PAQR3: variants seen among roughly 807,000 people sequenced by gnomAD.
The protein encoded by PAQR3 is progestin and adipoQ receptor family member 3.
PAQR3 carries 39 observed loss-of-function variants against 41.7 expected under a neutral mutation model. The observed-to-expected ratio is 0.93, with a 90% confidence interval of 0.72 to 1.22. PAQR3 has a LOEUF of 1.22. Among genes scored for constraint, PAQR3 ranks in the 50% most tolerant of loss-of-function variants. The pLI, the probability that PAQR3 is intolerant of heterozygous loss-of-function variation, is 0.00. For missense variants in PAQR3, 366 were observed against 385.6 expected, an observed-to-expected ratio of 0.95 and a Z score of 0.42; for synonymous variants, 140 against 140.6, an observed-to-expected ratio of 1.00 and a Z score of 0.03.
In PAQR3 at chr4:78,914,853, G is replaced by A. The variant is rs574209566; in HGVS notation, c.*5686C>T. ...ACTAAGAGAAGTAAATTATTATGAA[G>A]CTAGCAAAAATCTTGAGGCCAAAGT... is the stretch of plus-strand genomic sequence containing the variant. On this transcript the variant is annotated 3_prime_UTR_variant, in exon 6 of 6. Coordinates refer to ENST00000512733, the MANE Select transcript of PAQR3 (RefSeq NM_001040202.2). 6.6e-6 allele frequency: 1 copy of A among 151,706 alleles called. No individual in the cohort carries two copies. Among genetic ancestry groups the A allele is most frequent in the East Asian group, 1.9e-4 (1 of 5,174 alleles). 9.4% of individuals were successfully genotyped at this position (151,706 alleles called of 1,614,324 possible). A position where few individuals can be genotyped will look rare whatever the true frequency, so the allele number is the denominator to read the frequency against.
chr4:78,905,380 C>T (rs1734234297), intron 11 of PAQR3, among the ~76,000 whole-genome samples: 1 of 151,672 alleles, frequency 6.6e-6, no homozygotes, highest in African/African-American at 2.4e-5. Context: ...TATCATTCTA[C>T]CATATTTAGT....
At chr4:78,922,289 A>T in intron 5 of PAQR3, 1 of 1,266,514 alleles carries the variant, frequency 7.9e-7, no homozygotes, top group Admixed American at 2.5e-5. Context: ...AGTGGTGAAA[A>T]ACCAAGTACA....
chr4:78,898,145 C>T (rs1277118525), intron 11 of PAQR3, among the ~76,000 whole-genome samples: 1 of 152,158 alleles, frequency 6.6e-6, no homozygotes, highest in Non-Finnish European at 1.5e-5. Flanking sequence ...TCAGTATGTT[C>T]AGAGAATTGC....
rs1220574898 is a variant in PAQR3 at position 78,919,387 on chromosome 4, T to C, written c.*1152A>G. Reference sequence around the variant, plus strand: ...AGACCAAAGAATAAGAGGGCTACAATGTATGATAGGGCAGTGAGTTCTATT... The same window carrying C: ...AGACCAAAGAATAAGAGGGCTACAACGTATGATAGGGCAGTGAGTTCTATT... On this transcript the variant is annotated 3_prime_UTR_variant, in exon 6 of 6. Coordinates refer to ENST00000512733, the MANE Select transcript of PAQR3 (RefSeq NM_001040202.2). 3.0e-6 allele frequency: 3 copies of C among 984,376 alleles called. No individual in the cohort carries two copies. Among genetic ancestry groups the C allele is most frequent in the African/African-American group, 3.5e-5 (2 of 57,184 alleles). 61.0% of individuals were successfully genotyped at this position (984,376 alleles called of 1,614,324 possible). A position where few individuals can be genotyped will look rare whatever the true frequency, so the allele number is the denominator to read the frequency against.
Position 78,902,782 on chromosome 4 carries a change from G to A in PAQR3, c.*836+3326C>T, listed in dbSNP as rs189725342. ...GAGGGAAACCTGATTCTAGAAGAGC[G>A]GTAATATGCATAGTATGATGCAAAC... On this transcript the variant is annotated intron_variant and NMD_transcript_variant, in intron 11 of 12. Transcript: ENST00000342820. 2.7e-3 allele frequency among the ~76,000 whole-genome samples: 418 copies of A among 152,056 alleles called. 1 individual carries two copies. Among genetic ancestry groups the A allele is most frequent in the Non-Finnish European group, 4.4e-3 (301 of 67,958 alleles).
intron 11 of PAQR3, among the ~76,000 whole-genome samples, chr4:78,889,700 C>G (rs1733324810): frequency 6.6e-6 from 1 of 152,122 alleles, no homozygotes; most frequent in Non-Finnish European, 1.5e-5. Context: ...ATTTCTAGGA[C>G]TAGGACCCAA....
At chr4:78,893,702 A>G (rs1733558273) in intron 11 of PAQR3, among the ~76,000 whole-genome samples, 1 of 152,154 alleles carries the variant, frequency 6.6e-6, no homozygotes, top group Admixed American at 6.5e-5. Flanking sequence ...AGCTGGGACT[A>G]TAGGCATGCA....
Position 78,935,206 on chromosome 4 carries a change from AT to A in PAQR3, c.262del (p.Ile88TyrfsTer4), listed in dbSNP as rs747093104. The A allele has an allele frequency of 6.2e-7, 1 of 1,613,828 alleles. No individual in the cohort carries two copies. On this transcript the variant is annotated frameshift_variant, in exon 2 of 6. Coordinates refer to ENST00000512733, the MANE Select transcript of PAQR3 (RefSeq NM_001040202.2). LOFTEE classifies it high-confidence loss of function. Reference protein sequence around the residue: ...LGFFLFFTLGIYDMTSVLPSA... With the variant: ...LGFFLFFTLGXYDMTSVLPSA... ...AGGTAACACAGATGTCATGTCATAT[AT>A]TCCCAGGGTGAAGAAGAGAAAGAAA...
At position 78,935,047 on chromosome 4, in the gene PAQR3, G is replaced by C. The variant is rs937498569; in HGVS notation, c.348+74C>G. On this transcript the variant is annotated intron_variant, in intron 2 of 5. Coordinates refer to ENST00000512733, the MANE Select transcript of PAQR3 (RefSeq NM_001040202.2). ...TCTTTAAAGCAAGTGGTAGGTCTGA[G>C]GTAAGGTCACCTGACCAAGACTGCC... The C allele has an allele frequency of 8.3e-6, 12 of 1,452,388 alleles. No homozygotes were observed. In the African/African-American group the frequency reaches 1.1e-4, roughly 14 times the overall value. 90.0% of individuals were successfully genotyped at this position (1,452,388 alleles called of 1,614,324 possible). A position where few individuals can be genotyped will look rare whatever the true frequency, so the allele number is the denominator to read the frequency against.
downstream of PAQR3, chr4:78,911,610 C>G (rs767882432): frequency 6.2e-7 from 1 of 1,613,668 alleles, no homozygotes; most frequent in Non-Finnish European, 8.5e-7. Flanking sequence ...CTCGCAGGCA[C>G]AAAAAAGTGG....
downstream of PAQR3, chr4:78,911,542 G>T: frequency 6.2e-7 from 1 of 1,614,032 alleles, no homozygotes; most frequent in Non-Finnish European, 8.5e-7. Flanking sequence ...GCGGCATCAT[G>T]GCACGCCAAC....
chr4:78,915,766 AAGGT>A lies in PAQR3; in HGVS notation c.*4769_*4772del, dbSNP rs1214345438. On this transcript the variant is annotated 3_prime_UTR_variant, in exon 6 of 6. Coordinates refer to ENST00000512733, the MANE Select transcript of PAQR3 (RefSeq NM_001040202.2). ...GGTTTACAAAAGCTACTAAGAGAAT[AAGGT>A]AGATGATAATGCAAAGGGTCATGAT... 2.0e-5 allele frequency: 3 copies of A among 151,992 alleles called. No homozygotes were observed. The highest frequency in any genetic ancestry group is 4.4e-5 in the Non-Finnish European group (3 of 67,900). 9.4% of individuals were successfully genotyped at this position (151,992 alleles called of 1,614,324 possible). A position where few individuals can be genotyped will look rare whatever the true frequency, so the allele number is the denominator to read the frequency against.
Position 78,939,127 on chromosome 4 carries a change from T to C in PAQR3, c.98A>G (p.Tyr33Cys). Residue 33 changes from tyrosine (Y) to cysteine (C), a missense_variant, in exon 1 of 6, where the codon TAC becomes TGC. By Grantham distance (194) the Tyr-to-Cys change is radical. Coordinates refer to ENST00000512733, the MANE Select transcript of PAQR3 (RefSeq NM_001040202.2). ...LVPRGIRLYT[Y>C]EQIPGSLKDN... ...CTTGAGGGACCCGGGGATCTGCTCG[T>C]AGGTGTACAGGCGGATGCCACGGGG... 4 of 1,613,726 alleles carry C rather than the reference T, an allele frequency of 2.5e-6. No individual in the cohort carries two copies. Among genetic ancestry groups the C allele is most frequent in the Non-Finnish European group, 3.4e-6 (4 of 1,179,848 alleles).
At chr4:78,901,533 C>T (rs571425835) in intron 11 of PAQR3, among the ~76,000 whole-genome samples, 1 of 152,226 alleles carries the variant, frequency 6.6e-6, no homozygotes, top group East Asian at 1.9e-4. Context: ...AAGATGGTGC[C>T]ATTCCTATTT....
chr4:78,937,909 G>C (rs944017008), intron 1 of PAQR3, among the ~76,000 whole-genome samples: 1 of 152,202 alleles, frequency 6.6e-6, no homozygotes, highest in Non-Finnish European at 1.5e-5. Flanking sequence ...ATCCACAGCA[G>C]AACTCAGCTG....
chr4:78,901,378 T>G (rs1733998717), intron 11 of PAQR3, among the ~76,000 whole-genome samples: 1 of 152,082 alleles, frequency 6.6e-6, no homozygotes. Context: ...CTTGTAAAAT[T>G]TATCTTAAAT....
chr4:78,931,567 G>T (rs967923752), intron 2 of PAQR3, among the ~76,000 whole-genome samples: 1 of 152,086 alleles, frequency 6.6e-6, no homozygotes, highest in East Asian at 1.9e-4. Flanking sequence ...TACATTGGAG[G>T]TGATACAGAA....
downstream of PAQR3, among the ~76,000 whole-genome samples, chr4:78,909,548 T>C (rs1734473136): frequency 6.6e-6 from 1 of 152,182 alleles, no homozygotes; most frequent in Non-Finnish European, 1.5e-5. Context: ...TTGCTCACTA[T>C]ATTCCAGCCA....
chr4:78,891,933 T>G (rs1344591111), intron 11 of PAQR3, among the ~76,000 whole-genome samples: 1 of 152,144 alleles, frequency 6.6e-6, no homozygotes, highest in African/African-American at 2.4e-5. Context: ...TAGTGGGAAA[T>G]GCCAAACCGA....
Sources: allele counts gnomAD v4.1 joint callset (sites outside exome capture counted in the v4.1 genomes callset), GRCh38; gene constraint gnomAD v4.1.1; transcripts MANE v1.5; gene names NCBI Gene and HGNC (gene_info 2026-07-23, HGNC 2026-07-21).